The following DGKI variants were observed in gnomAD, a reference collection of about 807,000 sequenced individuals.
DGKI encodes diacylglycerol kinase iota.
DGKI carries 55 observed loss-of-function variants against 147.5 expected under a neutral mutation model. That is an observed-to-expected ratio of 0.37 (90% CI 0.30 to 0.47). DGKI has a LOEUF of 0.47. Among genes scored for constraint, DGKI ranks in the 20% least tolerant of loss-of-function variants. The pLI, the probability that DGKI is intolerant of heterozygous loss-of-function variation, is 1.00. For synonymous variants in DGKI, 469 were observed against 477.1 expected (o/e 0.98, Z 0.22); for missense variants, 1,007 against 1,323.8 (o/e 0.76, Z 3.71).
chr7:137,424,456 G>C (rs567793376), intron 28 of DGKI, among the ~76,000 whole-genome samples: 1 of 152,198 alleles, frequency 6.6e-6, no homozygotes, highest in African/African-American at 2.4e-5. Context: ...CCCAGCGTGA[G>C]TGACGCAGAA....
intron 15 of DGKI, among the ~76,000 whole-genome samples, chr7:137,580,596 C>A (rs540778799): frequency 6.6e-6 from 1 of 152,236 alleles, no homozygotes; most frequent in African/African-American, 2.4e-5. Flanking sequence ...CCTGTCCTCT[C>A]AAAACCTTGG....
At chr7:137,565,157 A>G (rs1259133808) in intron 19 of DGKI, among the ~76,000 whole-genome samples, 1 of 152,216 alleles carries the variant, frequency 6.6e-6, no homozygotes, top group Non-Finnish European at 1.5e-5. Context: ...CTGCAATATA[A>G]AACATCAAAA....
intron 21 of DGKI, among the ~76,000 whole-genome samples, chr7:137,503,095 C>T (rs938246772): frequency 6.6e-6 from 1 of 152,146 alleles, no homozygotes; most frequent in Non-Finnish European, 1.5e-5. Context: ...AAAGGCTCCC[C>T]ATTCCTCTCC....
At chr7:137,519,630 A>G (rs920164577) in intron 21 of DGKI, among the ~76,000 whole-genome samples, 6 of 152,044 alleles carry the variant, frequency 3.9e-5, no homozygotes, top group African/African-American at 1.4e-4. Flanking sequence ...TGCACCTCAT[A>G]TATGGACTTA....
intron 28 of DGKI, among the ~76,000 whole-genome samples, chr7:137,417,161 T>G (rs1812391180): frequency 6.6e-6 from 1 of 152,218 alleles, no homozygotes; most frequent in Admixed American, 6.5e-5. Context: ...CTTGTCTTCT[T>G]GCCTTTCTCA....
At chr7:137,393,204 T>C (rs571840400) in intron 32 of DGKI, among the ~76,000 whole-genome samples, 2 of 139,576 alleles carry the variant, frequency 1.4e-5, no homozygotes, top group African/African-American at 5.0e-5. Flanking sequence ...GGGTTTATAA[T>C]TATAAAAACA....
intron 10 of DGKI, among the ~76,000 whole-genome samples, chr7:137,607,229 GC>G (rs1820212729): frequency 6.6e-6 from 1 of 152,176 alleles, no homozygotes; most frequent in Non-Finnish European, 1.5e-5. Context: ...CCAAGTCACT[GC>G]TTACCTCTGA....
At chr7:137,794,517 T>C (rs1376572209) in intron 1 of DGKI, among the ~76,000 whole-genome samples, 5 of 152,248 alleles carry the variant, frequency 3.3e-5, no homozygotes, top group Non-Finnish European at 7.3e-5. Flanking sequence ...TATCAAACTT[T>C]AATGTGTGCA....
intron 1 of DGKI, among the ~76,000 whole-genome samples, chr7:137,816,685 C>G (rs552817786): frequency 1.3e-5 from 2 of 152,108 alleles, no homozygotes; most frequent in South Asian, 4.2e-4. Flanking sequence ...TAGATGGTAT[C>G]AAAAGGTATA....
rs1798740106 is a variant in DGKI at position 137,846,557 on chromosome 7, G to A, written c.306C>T (p.Ala102=). The A allele has an allele frequency of 2.7e-6, 4 of 1,461,424 alleles. No homozygotes were observed. Among genetic ancestry groups the A allele is most frequent in the Non-Finnish European group, 1.8e-6 (2 of 1,106,784 alleles). The allele number at this position is 1,461,424 out of a possible 1,614,324, so 90.5% of individuals were successfully genotyped here. A position where few individuals can be genotyped will look rare whatever the true frequency, so the allele number is the denominator to read the frequency against. The change falls in exon 1 of 33, where the codon GCC becomes GCT. Residue 102 remains alanine, a synonymous_variant. Coordinates refer to ENST00000614521, the MANE Select transcript of DGKI (RefSeq NM_001321708.2). The surrounding 1 kb of genome is among the most constrained non-coding windows in gnomAD (Gnocchi z 4.0). ...AGSAAAAGAA[A]LDEPAAAGQK... ...GGCCGGCGGCCGCGGGCTCGTCCAG[G>A]GCAGCGGCCCCCGCCGCCGCGGCTG...
At chr7:137,559,811 G>C (rs933151130) in intron 19 of DGKI, among the ~76,000 whole-genome samples, 3 of 152,004 alleles carry the variant, frequency 2.0e-5, no homozygotes, top group African/African-American at 7.2e-5. Flanking sequence ...AAAATCATTT[G>C]TATGCTTTAA....
At chr7:137,794,297 T>C (rs3778818) in intron 1 of DGKI, among the ~76,000 whole-genome samples, 31,813 of 152,130 alleles carry the variant, frequency 0.21, 4,890 homozygotes, top group African/African-American at 0.43. Flanking sequence ...CCCTCTCTGA[T>C]ATTCTTGAAG....
chr7:137,527,185 A>G (rs1817179767), intron 20 of DGKI, among the ~76,000 whole-genome samples: 1 of 142,872 alleles, frequency 7.0e-6, no homozygotes, highest in East Asian at 2.4e-4. Flanking sequence ...ACTAAATGAG[A>G]CATATATAAG....
At chr7:137,618,151 A>ATTTT (rs1156891729) in intron 8 of DGKI, among the ~76,000 whole-genome samples, 151 of 10,340 alleles carry the variant, frequency 0.015, 11 homozygotes, top group Non-Finnish European at 0.051. Flanking sequence ...ATATATATAT[A>ATTTT]TTTTTTTTTT....
chr7:137,763,307 C>T (rs1795915807), intron 1 of DGKI, among the ~76,000 whole-genome samples: 2 of 152,232 alleles, frequency 1.3e-5, no homozygotes, highest in Non-Finnish European at 2.9e-5. Context: ...CAGCCTTGTC[C>T]AGGAAGCTAC....
intron 19 of DGKI, among the ~76,000 whole-genome samples, chr7:137,560,879 T>C (rs897727434): frequency 7.9e-5 from 12 of 152,184 alleles, no homozygotes; most frequent in Non-Finnish European, 1.3e-4. Context: ...TCTCCATGAA[T>C]TTAAAATAAT....
At chr7:137,765,655 C>T (rs535615482) in intron 1 of DGKI, among the ~76,000 whole-genome samples, 3 of 152,316 alleles carry the variant, frequency 2.0e-5, no homozygotes, top group Middle Eastern at 6.8e-3. Context: ...ACCATCAGCC[C>T]TTTGTAATGA....
chr7:137,639,736 C>G (rs1446600109), intron 6 of DGKI, among the ~76,000 whole-genome samples: 2 of 152,060 alleles, frequency 1.3e-5, no homozygotes, highest in Non-Finnish European at 2.9e-5. Flanking sequence ...GGATAGTGAC[C>G]ACACCAAAGA....
chr7:137,566,340 G>T (rs1377570510), intron 19 of DGKI, among the ~76,000 whole-genome samples: 2 of 151,950 alleles, frequency 1.3e-5, no homozygotes, highest in Non-Finnish European at 2.9e-5. Flanking sequence ...ATTGAAGACT[G>T]CAAATTAGAT....
Sources: allele counts gnomAD v4.1 joint callset (sites outside exome capture counted in the v4.1 genomes callset), GRCh38; gene constraint gnomAD v4.1.1; non-coding constraint Gnocchi (gnomAD v3.1); transcripts MANE v1.5; gene names NCBI Gene and HGNC (gene_info 2026-07-23, HGNC 2026-07-21).